The following RAC1 variants were observed in gnomAD, a reference collection of about 807,000 sequenced individuals.
RAC1 encodes the protein ras-related C3 botulinum toxin substrate 1.
A neutral mutation model predicts 25.2 loss-of-function variants in RAC1; 2 were observed. The observed-to-expected ratio is 0.08, with a 90% CI of 0.03 to 0.25. The LOEUF is 0.25. RAC1 is among the 10% of genes least tolerant of loss of function. RAC1 has a pLI of 1.00. For missense variants in RAC1, 50 were observed against 235.7 expected, an observed-to-expected ratio of 0.21 and a Z score of 5.16; for synonymous variants, 88 against 94.0, an observed-to-expected ratio of 0.94 and a Z score of 0.37.
chr7:6,374,800 G>T, intron 1 of RAC1, 30 bp downstream of exon 1: 1 of 1,110,734 alleles, frequency 9.0e-7, no homozygotes. Context: ...CGGGCTGGAG[G>T]CCGCGGGATC....
At chr7:6,385,275 T>C (rs1309295437) in intron 1 of RAC1, among the ~76,000 whole-genome samples, 4 of 152,218 alleles carry the variant, frequency 2.6e-5, no homozygotes, top group Admixed American at 2.0e-4. Context: ...TTGATACATC[T>C]TTAGCACCTA....
chr7:6,398,399 G>T (rs1441240295), intron 3 of RAC1, among the ~76,000 whole-genome samples: 2 of 152,136 alleles, frequency 1.3e-5, no homozygotes, highest in Non-Finnish European at 2.9e-5. Context: ...TGCCATGGGA[G>T]GAGGAGCACG....
At chr7:6,402,134 G>T in intron 5 of RAC1, 107 bp downstream of exon 5, 1 of 1,449,768 alleles carries the variant, frequency 6.9e-7, no homozygotes, top group Non-Finnish European at 9.4e-7. Context: ...CTCAGGGCCT[G>T]GTGTACTCTT....
intron 4 of RAC1, among the ~76,000 whole-genome samples, chr7:6,401,100 T>C (rs931155204): frequency 2.0e-5 from 3 of 151,980 alleles, no homozygotes; most frequent in Admixed American, 6.6e-5. Context: ...GGATTACAGG[T>C]GCCCGCCAAC....
At chr7:6,381,693 C>T (rs1782770575) in intron 1 of RAC1, among the ~76,000 whole-genome samples, 1 of 152,154 alleles carries the variant, frequency 6.6e-6, no homozygotes, top group Non-Finnish European at 1.5e-5. Flanking sequence ...CCGTGCCTGG[C>T]TTATGGCTAG....
At chr7:6,400,669 T>G (rs952822942) in intron 4 of RAC1, among the ~76,000 whole-genome samples, 17 of 151,896 alleles carry the variant, frequency 1.1e-4, no homozygotes, top group African/African-American at 3.1e-4. Flanking sequence ...GAGAGTCTTT[T>G]TTTTTGTTTT....
chr7:6,389,948 T>C (rs867186157), intron 2 of RAC1, among the ~76,000 whole-genome samples: 8 of 138,150 alleles, frequency 5.8e-5, no homozygotes, highest in African/African-American at 2.1e-4. Context: ...CCTCCCTCCC[T>C]CTCTCCCTCC....
intron 1 of RAC1, among the ~76,000 whole-genome samples, chr7:6,377,931 AC>A (rs1418554687): frequency 6.6e-6 from 1 of 152,078 alleles, no homozygotes; most frequent in African/African-American, 2.4e-5. Flanking sequence ...TAAAGGAGAT[AC>A]ATCTTCATCT....
At chr7:6,397,050 AAAAAG>A (rs1351144885) in intron 3 of RAC1, among the ~76,000 whole-genome samples, 2 of 144,742 alleles carry the variant, frequency 1.4e-5, no homozygotes, top group Non-Finnish European at 3.0e-5. Flanking sequence ...AAAAAAAAAA[AAAAAG>A]AAAAGAAACC....
chr7:6,383,560 C>G (rs1160141764), intron 1 of RAC1, among the ~76,000 whole-genome samples: 2 of 152,022 alleles, frequency 1.3e-5, no homozygotes, highest in African/African-American at 4.8e-5. Flanking sequence ...CCCGGTTGAG[C>G]CTTTCTCAGC....
chr7:6,376,064 T>C (rs1190095910), intron 1 of RAC1: 1 of 152,074 alleles, frequency 6.6e-6, no homozygotes, highest in African/African-American at 2.4e-5. Context: ...ATTTTGGTTC[T>C]TGCAATTCAG....
At chr7:6,391,099 T>C (rs1264046424) in intron 2 of RAC1, among the ~76,000 whole-genome samples, 1 of 152,210 alleles carries the variant, frequency 6.6e-6, no homozygotes, top group Non-Finnish European at 1.5e-5. Flanking sequence ...AGTTTCGTCA[T>C]GTTGGCCAGG....
At chr7:6,385,433 C>G (rs1423577184) in intron 1 of RAC1, among the ~76,000 whole-genome samples, 4 of 152,258 alleles carry the variant, frequency 2.6e-5, no homozygotes, top group South Asian at 2.1e-4. Context: ...AAAAATACAG[C>G]CAGTACGTGC....
intron 1 of RAC1, among the ~76,000 whole-genome samples, chr7:6,383,573 A>G (rs936284924): frequency 1.3e-4 from 20 of 152,086 alleles, no homozygotes; most frequent in African/African-American, 4.8e-4. Flanking sequence ...TTCTCAGCTA[A>G]AGATGTCATT....
chr7:6,378,166 C>G (rs889977467), intron 1 of RAC1, among the ~76,000 whole-genome samples: 1 of 149,906 alleles, frequency 6.7e-6, no homozygotes, highest in Non-Finnish European at 1.5e-5. Flanking sequence ...TAAATAATTC[C>G]TTCATGAAAA....
At chr7:6,380,568 T>A (rs702482) in intron 1 of RAC1, among the ~76,000 whole-genome samples, 20,141 of 152,214 alleles carry the variant, frequency 0.13, 2,568 homozygotes, top group East Asian at 0.56. Context: ...CATCACTACG[T>A]AGCTCTTAAA....
chr7:6,398,999 T>G (rs919115108), intron 3 of RAC1, among the ~76,000 whole-genome samples: 1 of 152,178 alleles, frequency 6.6e-6, no homozygotes, highest in Non-Finnish European at 1.5e-5. Context: ...GATGCAGATA[T>G]GGAGACTCCT....
intron 3 of RAC1, among the ~76,000 whole-genome samples, chr7:6,395,056 A>C (rs34902984): frequency 7.2e-5 from 11 of 152,024 alleles, no homozygotes; most frequent in Non-Finnish European, 1.3e-4. Context: ...GGGTTTCACC[A>C]TGTTAGCCAG....
At chr7:6,397,195 C>T (rs181173290) in intron 3 of RAC1, among the ~76,000 whole-genome samples, 7,223 of 141,576 alleles carry the variant, frequency 0.051, 497 homozygotes, top group African/African-American at 0.15. Context: ...GAGCCGAGAT[C>T]GCGCCACTGC....
Sources: gnomAD v4.1 joint callset for allele counts (sites outside exome capture counted in the v4.1 genomes callset) on GRCh38, gnomAD v4.1.1 for gene constraint, MANE v1.5 for transcripts, NCBI Gene and HGNC (gene_info 2026-07-23, HGNC 2026-07-21) for gene names.